KLF15: variants seen among roughly 807,000 people sequenced by gnomAD.
KLF15 encodes the protein KLF transcription factor 15, also known as Krueppel-like factor 15.
In KLF15, 4 loss-of-function variants were observed where a neutral mutation model predicts 24.6. The ratio of observed to expected loss-of-function variants is 0.16; its 90% CI spans 0.08 to 0.37. The LOEUF is 0.37. Ranked by LOEUF, KLF15 falls within the 10% of genes least tolerant of loss-of-function variation. The probability of loss-of-function intolerance (pLI) is 1.00; values close to 1 mark genes in which losing one functional copy is unlikely to be tolerated. For synonymous variants in KLF15, 246 were observed against 236.3 expected (o/e 1.04, Z -0.37); for missense variants, 496 against 560.6 (o/e 0.88, Z 1.16).
the KLF15 span, among the ~76,000 whole-genome samples, chr3:126,306,430 C>G: frequency 6.6e-6 from 1 of 152,174 alleles, no homozygotes; most frequent in African/African-American, 2.4e-5. Context: ...AAAATAAATG[C>G]GTAACCCAGA....
chr3:126,304,505 C>A, the KLF15 span, among the ~76,000 whole-genome samples: 5 of 152,170 alleles, frequency 3.3e-5, no homozygotes, highest in African/African-American at 1.2e-4. Flanking sequence ...ATGTTTACAG[C>A]TGATTACTTG....
the KLF15 span, among the ~76,000 whole-genome samples, chr3:126,306,158 C>A: frequency 3.3e-5 from 5 of 152,132 alleles, no homozygotes; most frequent in Non-Finnish European, 7.4e-5. Context: ...GACAAAAAGG[C>A]CTGGGAAGCT....
chr3:126,313,978 T>C, the KLF15 span, among the ~76,000 whole-genome samples: 6 of 152,260 alleles, frequency 3.9e-5, no homozygotes, highest in Non-Finnish European at 8.8e-5. Flanking sequence ...CATACAGTTA[T>C]GTGTTGCCAG....
chr3:126,310,537 G>T, the KLF15 span, among the ~76,000 whole-genome samples: 229 of 152,288 alleles, frequency 1.5e-3, 1 homozygote, highest in South Asian at 3.3e-3. Flanking sequence ...TCAGAGAAGG[G>T]GGGGTGGGTG....
At chr3:126,350,923 C>T (rs1258333580) in intron 2 of KLF15, among the ~76,000 whole-genome samples, 2 of 152,210 alleles carry the variant, frequency 1.3e-5, no homozygotes, top group East Asian at 1.9e-4. Flanking sequence ...GCACACAGCG[C>T]CCCCCAGGCA....
At chr3:126,303,930 G>A in the KLF15 span, among the ~76,000 whole-genome samples, 1 of 146,304 alleles carries the variant, frequency 6.8e-6, no homozygotes, top group Non-Finnish European at 1.5e-5. Context: ...CTCAGACATT[G>A]TAGTTTTTAT....
the KLF15 span, among the ~76,000 whole-genome samples, chr3:126,304,268 G>T: frequency 6.6e-6 from 1 of 152,044 alleles, no homozygotes; most frequent in African/African-American, 2.4e-5. Context: ...ATTTGTTATC[G>T]ATGCAAGACC....
intron 2 of KLF15, among the ~76,000 whole-genome samples, chr3:126,349,337 A>T (rs1017590161): frequency 1.3e-5 from 2 of 152,268 alleles, no homozygotes; most frequent in African/African-American, 4.8e-5. Context: ...AGCCCGGGGC[A>T]TGGCTGGCAG....
chr3:126,308,380 TG>T, the KLF15 span, among the ~76,000 whole-genome samples: 5 of 152,116 alleles, frequency 3.3e-5, no homozygotes, highest in Admixed American at 3.3e-4. Flanking sequence ...CATATGGCCT[TG>T]TTTGAGCCAG....
the KLF15 span, among the ~76,000 whole-genome samples, chr3:126,334,277 G>A: frequency 4.7e-5 from 7 of 150,080 alleles, no homozygotes; most frequent in Non-Finnish European, 8.9e-5. Flanking sequence ...CTCACTCAAA[G>A]CCGCTCAACT....
At chr3:126,355,879 C>T (rs112480213) in intron 1 of KLF15, among the ~76,000 whole-genome samples, 2 of 152,318 alleles carry the variant, frequency 1.3e-5, no homozygotes, top group African/African-American at 4.8e-5. Context: ...TCCCAGGGCA[C>T]CGGCATTAAA....
the KLF15 span, among the ~76,000 whole-genome samples, chr3:126,328,327 G>T: frequency 0.055 from 8,411 of 151,936 alleles, 790 homozygotes; most frequent in African/African-American, 0.19. Flanking sequence ...TTATCCACTC[G>T]TTGACTGATG....
the KLF15 span, among the ~76,000 whole-genome samples, chr3:126,298,170 C>T: frequency 2.8e-4 from 43 of 151,914 alleles, no homozygotes; most frequent in African/African-American, 9.9e-4. Flanking sequence ...TATCTCATTA[C>T]GGTTTTGATT....
the KLF15 span, among the ~76,000 whole-genome samples, chr3:126,310,886 C>A: frequency 1.3e-5 from 2 of 152,324 alleles, no homozygotes; most frequent in Admixed American, 1.3e-4. Flanking sequence ...GGCTTCCACA[C>A]ACTCTCAAGC....
At chr3:126,311,693 C>T in the KLF15 span, among the ~76,000 whole-genome samples, 2,627 of 152,334 alleles carry the variant, frequency 0.017, 71 homozygotes, top group African/African-American at 0.058. Flanking sequence ...TCACTAACTT[C>T]TGGGGAGGTC....
the KLF15 span, among the ~76,000 whole-genome samples, chr3:126,290,102 A>C: frequency 6.6e-6 from 1 of 152,216 alleles, no homozygotes; most frequent in Non-Finnish European, 1.5e-5. Context: ...TTAGGAACAA[A>C]GGGAAAGGCA....
At chr3:126,321,740 T>C in the KLF15 span, among the ~76,000 whole-genome samples, 1 of 152,098 alleles carries the variant, frequency 6.6e-6, no homozygotes, top group African/African-American at 2.4e-5. Context: ...TCCTATTCCT[T>C]GAATTGCTGG....
rs2082630097 is a variant in KLF15, at chr3:126,356,082, T to A, written c.-26+1155A>T. ...TTTATCCTCCCGGGGACACAGCGGC[T>A]GCAGGAACAACATGTAATTGATAAC... On this transcript the variant is annotated intron_variant, in intron 1 of 2. Transcript: ENST00000296233. This position sits in a 1 kb window ranked among gnomAD's most constrained non-coding sequence, Gnocchi z 4.4. Among the ~76,000 whole-genome samples, 1 of 152,146 alleles carries A rather than the reference T, an allele frequency of 6.6e-6. No individual in the cohort carries two copies. The highest frequency in any genetic ancestry group is 1.5e-5 in the Non-Finnish European group (1 of 68,018).
chr3:126,352,610 A>G lies in KLF15; in HGVS notation c.313T>C (p.Trp105Arg). The part of the protein sequence containing the change: ...SIGASSGPVA[W>R]GPWRRAAAPV... The stretch of plus-strand genomic sequence containing the variant: ...GCCGCTGCCCTTCGCCAGGGCCCCC[A>G]GGCCACGGGGCCACTGCTGGCCCCA... Residue 105 changes from tryptophan (W) to arginine (R), a missense_variant, in exon 2 of 3, where the codon TGG (tryptophan) becomes CGG (arginine). Physicochemically the swap from Trp to Arg is moderately radical, Grantham distance 101. Around this residue, in one of 3 missense-constraint regions of KLF15, gnomAD observed 399 missense variants for 423.1 expected, o/e 0.94. Coordinates refer to ENST00000296233, the MANE Select transcript of KLF15 (RefSeq NM_014079.4). 3.1e-6 allele frequency: 5 copies of G among 1,609,086 alleles called. No homozygotes were observed. Among genetic ancestry groups the G allele is most frequent in the Non-Finnish European group, 4.2e-6 (5 of 1,178,460 alleles).
Sources: allele counts gnomAD v4.1 joint callset (sites outside exome capture counted in the v4.1 genomes callset), GRCh38; gene constraint gnomAD v4.1.1; regional missense constraint gnomAD v4.1.1; non-coding constraint Gnocchi (gnomAD v3.1); transcripts MANE v1.5; gene names NCBI Gene and HGNC (gene_info 2026-07-23, HGNC 2026-07-21).